The following DTHD1 variants were observed in gnomAD, a reference collection of about 807,000 sequenced individuals.
DTHD1 encodes the protein death domain containing 1, also known as death domain-containing protein 1.
In DTHD1, 59 loss-of-function variants were observed where a neutral mutation model predicts 74.8. That is an observed-to-expected ratio of 0.79 (90% CI 0.64 to 0.98). The LOEUF is 0.98. Ranked by LOEUF, DTHD1 falls within the 50% of genes least tolerant of loss-of-function variation. The pLI is 0.00. For missense variants in DTHD1, 1,051 were observed against 1,065.4 expected, an observed-to-expected ratio of 0.99 and a Z score of 0.19; for synonymous variants, 365 against 371.1, an observed-to-expected ratio of 0.98 and a Z score of 0.19.
chr4:36,292,544 G>A (rs1223692543), intron 3 of DTHD1, among the ~76,000 whole-genome samples: 2 of 152,146 alleles, frequency 1.3e-5, no homozygotes, highest in Admixed American at 6.6e-5. Flanking sequence ...ACCACTGTTG[G>A]TTTCTAGAAG....
In DTHD1 at chr4:36,281,778, G is replaced by A; in HGVS notation, c.20G>A (p.Gly7Asp). Residue 7 changes from glycine (G) to aspartate (D), a missense_variant, in exon 1 of 10, where the codon GGC becomes GAC. Coordinates refer to ENST00000639862, the MANE Select transcript of DTHD1 (RefSeq NM_001170700.3). ...CATAAAATGGATATGGAATACATGG[G>A]CTCAGGTAAACTGGGCCAAATATTG... Reference protein sequence around the residue: MDMEYMGSGKLGQILKQ... With the variant: MDMEYMDSGKLGQILKQ... The A allele has an allele frequency of 8.1e-7, 1 of 1,239,050 alleles. No homozygotes were observed. The highest frequency in any genetic ancestry group is 1.0e-6 in the Non-Finnish European group (1 of 990,324). 76.8% of individuals were successfully genotyped at this position (1,239,050 alleles called of 1,614,324 possible).
At chr4:36,305,457 C>A (rs569113213) in intron 5 of DTHD1, among the ~76,000 whole-genome samples, 2 of 152,116 alleles carry the variant, frequency 1.3e-5, no homozygotes, top group Non-Finnish European at 2.9e-5. Context: ...TATTCACTAC[C>A]ATGAGAACAG....
intron 9 of DTHD1, among the ~76,000 whole-genome samples, chr4:36,341,002 A>C (rs1759285144): frequency 1.3e-5 from 2 of 152,096 alleles, no homozygotes; most frequent in South Asian, 4.2e-4. Context: ...GAAGTAAGAG[A>C]AGACACAGGC....
At position 36,293,527 on chromosome 4, in the gene DTHD1, G is replaced by T. The variant is rs1176561094; in HGVS notation, c.1220G>T (p.Gly407Val). 3 of 1,535,706 alleles carry T rather than the reference G, an allele frequency of 2.0e-6. No homozygotes were observed. The highest frequency in any genetic ancestry group is 2.6e-6 in the Non-Finnish European group (3 of 1,136,930). ...SLEGMKGGYK[G>V]TCASVKVYKL... ...TTTAATGTTCTTTATTCTATACAGGGGACCTGTGCTTCAGTAAAAGTTTAC... is the reference window on the plus strand; with the variant it reads ...TTTAATGTTCTTTATTCTATACAGGTGACCTGTGCTTCAGTAAAAGTTTAC... Residue 407 changes from glycine (G) to valine (V), a missense_variant and splice_region_variant, in exon 4 of 10, where the codon GGG (glycine) becomes GTG (valine). Physicochemically the swap from Gly to Val is moderately radical, Grantham distance 109. Coordinates refer to ENST00000639862, the MANE Select transcript of DTHD1 (RefSeq NM_001170700.3).
At chr4:36,294,723 C>A in intron 4 of DTHD1, 72 bp from the exon 5 acceptor site, 1 of 1,386,198 alleles carries the variant, frequency 7.2e-7, no homozygotes, top group South Asian at 1.8e-5. Context: ...TTTCAAAAAA[C>A]TGGATTAGAA....
intron 8 of DTHD1, among the ~76,000 whole-genome samples, chr4:36,327,237 G>A (rs1758406817): frequency 6.6e-6 from 1 of 152,126 alleles, no homozygotes; most frequent in Non-Finnish European, 1.5e-5. Context: ...AAAATGCGGG[G>A]ATTACAGGTG....
At chr4:36,307,425 C>A (rs771459538) in intron 6 of DTHD1, among the ~76,000 whole-genome samples, 4 of 152,100 alleles carry the variant, frequency 2.6e-5, no homozygotes, top group Non-Finnish European at 5.9e-5. Flanking sequence ...TTAAAATTTC[C>A]CTCTTTTATG....
rs1256384712 is a variant in DTHD1 at position 36,294,810 on chromosome 4, C to T, written c.1414C>T (p.Pro472Ser). ...LVQLKIQPVD[P>S]ALVAHLKAQQ... is the part of the protein sequence containing the mutation. The stretch of plus-strand genomic sequence containing the variant: ...TTTTGTTTAGATCCAACCAGTTGAC[C>T]CAGCTCTGGTGGCACATTTAAAAGC... The change falls in exon 5 of 10, where the codon CCA (proline) becomes TCA (serine). Residue 472 changes from proline (P) to serine (S), a missense_variant. Pro to Ser is a moderately conservative substitution (Grantham distance 74). Transcript: ENST00000639862. 1 of 1,544,826 alleles carries T rather than the reference C, an allele frequency of 6.5e-7. No individual in the cohort carries two copies. The highest frequency in any genetic ancestry group is 2.5e-5 in the East Asian group (1 of 40,814).
rs548088407 is a variant in DTHD1, at chr4:36,343,810, G to A, written c.2707G>A (p.Val903Ile). The stretch of plus-strand genomic sequence containing the variant: ...CACTGAACCACAGCAGTGTTTTGAT[G>A]TAGCCCCTGAGTAAAAGCCTGATCT... Reference protein sequence around the residue: ...VFTEPQQCFDVAPE With the variant: ...VFTEPQQCFDIAPE Residue 903 changes from valine (V) to isoleucine (I), a missense_variant, in exon 10 of 10, where the codon GTA becomes ATA. Transcript: ENST00000639862. The A allele has an allele frequency of 6.5e-7, 1 of 1,547,358 alleles. No individual in the cohort carries two copies. Among genetic ancestry groups the A allele is most frequent in the African/African-American group, 1.4e-5 (1 of 73,064 alleles).
chr4:36,282,689 G>T (rs1043600299), intron 1 of DTHD1, among the ~76,000 whole-genome samples: 3 of 152,136 alleles, frequency 2.0e-5, no homozygotes, highest in African/African-American at 7.2e-5. Flanking sequence ...CATATAGGTG[G>T]CATCATGAAA....
At chr4:36,310,995 A>T (rs1416980254) in intron 7 of DTHD1, among the ~76,000 whole-genome samples, 1 of 152,182 alleles carries the variant, frequency 6.6e-6, no homozygotes, top group Non-Finnish European at 1.5e-5. Context: ...GGTCCCACCC[A>T]AACGAATGAT....
chr4:36,316,206 A>G, intron 7 of DTHD1, 36 bp from the exon 8 acceptor site: 1 of 1,539,724 alleles, frequency 6.5e-7, no homozygotes, highest in Admixed American at 2.0e-5. Context: ...AAGTGAGATA[A>G]CTTAATGGTA....
intron 2 of DTHD1, among the ~76,000 whole-genome samples, chr4:36,287,068 G>T (rs957152585): frequency 1.6e-3 from 248 of 152,026 alleles, no homozygotes; most frequent in African/African-American, 5.8e-3. Context: ...AGATTTTGGT[G>T]CACCCATCAC....
Position 36,347,104 on chromosome 4 carries a change from CATATA to C in DTHD1, c.*3281_*3285del, listed in dbSNP as rs1262961741. The stretch of plus-strand genomic sequence containing the variant: ...GTATTTTATTTCCCAGAATGGGAGT[CATATA>C]TTATATATACAGTTTTTAAAATTAC... On this transcript the variant is annotated 3_prime_UTR_variant, in exon 10 of 10. Coordinates refer to ENST00000639862, the MANE Select transcript of DTHD1 (RefSeq NM_001170700.3). 2.0e-5 allele frequency among the ~76,000 whole-genome samples: 3 copies of C among 152,124 alleles called. No individual in the cohort carries two copies. Among genetic ancestry groups the C allele is most frequent in the Non-Finnish European group, 4.4e-5 (3 of 68,026 alleles).
At chr4:36,300,791 C>A (rs981393137) in intron 5 of DTHD1, among the ~76,000 whole-genome samples, 1 of 152,046 alleles carries the variant, frequency 6.6e-6, no homozygotes, top group African/African-American at 2.4e-5. Flanking sequence ...GTATTGTCAA[C>A]GCAGGCAAAT....
At chr4:36,326,216 A>G (rs1455577657) in intron 8 of DTHD1, among the ~76,000 whole-genome samples, 1 of 151,598 alleles carries the variant, frequency 6.6e-6, no homozygotes, top group African/African-American at 2.4e-5. Context: ...GTTTTCCAGG[A>G]AGTATTAGAC....
At chr4:36,283,184 A>G (rs927908883) in intron 1 of DTHD1, among the ~76,000 whole-genome samples, 6 of 152,228 alleles carry the variant, frequency 3.9e-5, no homozygotes, top group African/African-American at 1.4e-4. Flanking sequence ...AGAAGTCATC[A>G]GGTGACCTCA....
intron 8 of DTHD1, among the ~76,000 whole-genome samples, chr4:36,324,837 G>C (rs1758248244): frequency 6.6e-6 from 1 of 152,210 alleles, no homozygotes; most frequent in Non-Finnish European, 1.5e-5. Flanking sequence ...CAAATGAATA[G>C]TAAGATGTTA....
At chr4:36,316,511 A>G (rs1239164946) in intron 8 of DTHD1, 25 bp downstream of exon 8, 2 of 1,531,954 alleles carry the variant, frequency 1.3e-6, no homozygotes. Flanking sequence ...TTTTCTAATT[A>G]CTACATTTTG....
Sources: gnomAD v4.1 joint callset for allele counts (sites outside exome capture counted in the v4.1 genomes callset) on GRCh38, gnomAD v4.1.1 for gene constraint, MANE v1.5 for transcripts, NCBI Gene and HGNC (gene_info 2026-07-23, HGNC 2026-07-21) for gene names.